Variants in PACS2 observed in about 807,000 individuals in gnomAD.
PACS2 encodes the protein phosphofurin acidic cluster sorting protein 2.
A neutral mutation model predicts 113.0 loss-of-function variants in PACS2; 36 were observed. That is an observed-to-expected ratio of 0.32 (90% CI 0.24 to 0.42). PACS2 has a LOEUF of 0.42. Ranked by LOEUF, PACS2 falls within the 10% of genes least tolerant of loss-of-function variation. The probability of loss-of-function intolerance (pLI) is 1.00; values close to 1 mark genes in which losing one functional copy is unlikely to be tolerated. For synonymous variants in PACS2, 589 were observed against 536.1 expected, an observed-to-expected ratio of 1.10 and a Z score of -1.36; for missense variants, 1,015 against 1,239.5, an observed-to-expected ratio of 0.82 and a Z score of 2.72.
chr14:105,359,587 C>CTTTTTTT (rs1162190552), intron 4 of PACS2, among the ~76,000 whole-genome samples: 6 of 101,790 alleles, frequency 5.9e-5, no homozygotes, highest in African/African-American at 1.2e-4. Context: ...GTATTTCTTT[C>CTTTTTTT]TTTTTTTTTT....
In PACS2 at chr14:105,362,784, G is replaced by C. The variant is rs2060779405; in HGVS notation, c.424-4429G>C. Reference sequence around the variant, plus strand: ...GAGAATCGCTTGAACCTGGGAGGCAGAGGTTGTAGTGAGCCAAGATCGCGT... The same window carrying C: ...GAGAATCGCTTGAACCTGGGAGGCACAGGTTGTAGTGAGCCAAGATCGCGT... On this transcript the variant is annotated intron_variant, in intron 4 of 24. Coordinates refer to ENST00000447393, the MANE Select transcript of PACS2 (RefSeq NM_001100913.3). Among the ~76,000 whole-genome samples the C allele has an allele frequency of 2.0e-5, 3 of 152,142 alleles. 1 individual carries two copies. The South Asian group carries it at 6.2e-4, about 31-fold the overall frequency.
chr14:105,319,201 C>T (rs2058790421), intron 1 of PACS2, among the ~76,000 whole-genome samples: 1 of 152,180 alleles, frequency 6.6e-6, no homozygotes, highest in Non-Finnish European at 1.5e-5. Flanking sequence ...CCGCCTTGGC[C>T]TCTGAAAGTG....
chr14:105,319,105 G>A (rs957367730), intron 1 of PACS2, among the ~76,000 whole-genome samples: 24 of 151,272 alleles, frequency 1.6e-4, no homozygotes, highest in African/African-American at 5.4e-4. Flanking sequence ...GCACCACCAC[G>A]CCCAGCTAAT....
At chr14:105,320,192 G>A (rs994299111) in intron 1 of PACS2, among the ~76,000 whole-genome samples, 1 of 151,910 alleles carries the variant, frequency 6.6e-6, no homozygotes, top group Non-Finnish European at 1.5e-5. Flanking sequence ...TGGCCAGGAG[G>A]GTCTCGATCT....
intron 1 of PACS2, among the ~76,000 whole-genome samples, chr14:105,332,654 T>C (rs113117307): frequency 0.016 from 2,401 of 152,282 alleles, 64 homozygotes; most frequent in African/African-American, 0.053. Flanking sequence ...GGGCACTGCA[T>C]GGCTTCTCTG....
intron 2 of PACS2, among the ~76,000 whole-genome samples, chr14:105,349,396 C>T (rs1339126847): frequency 1.3e-5 from 2 of 152,230 alleles, no homozygotes; most frequent in Admixed American, 6.5e-5. Flanking sequence ...CTGTTGTGCT[C>T]CTGACCCCAG....
In PACS2 at chr14:105,317,382, C is replaced by G. The variant is rs2058715955; in HGVS notation, c.119+2345C>G. ...TACCAGGATTTATGGTGGGGGTGTG[C>G]ACGCACTCAGCGTTACTGCTGGGCA... On this transcript the variant is annotated intron_variant, in intron 1 of 24. Coordinates refer to ENST00000447393, the MANE Select transcript of PACS2 (RefSeq NM_001100913.3). The surrounding 1 kb of genome is among the most constrained non-coding windows in gnomAD (Gnocchi z 4.2). Among the ~76,000 whole-genome samples the G allele has an allele frequency of 6.6e-6, 1 of 152,138 alleles. No individual in the cohort carries two copies.
intron 1 of PACS2, among the ~76,000 whole-genome samples, chr14:105,316,994 A>C (rs1180690070): frequency 2.0e-5 from 3 of 152,182 alleles, no homozygotes; most frequent in African/African-American, 7.2e-5. Flanking sequence ...GTCCTGGAAC[A>C]GGGCCCCTCA....
chr14:105,379,216 G>A (rs1339901363), intron 9 of PACS2, among the ~76,000 whole-genome samples: 1 of 152,190 alleles, frequency 6.6e-6, no homozygotes, highest in East Asian at 1.9e-4. Context: ...GTCTGGATAG[G>A]CCTGGATGGT....
chr14:105,307,361 T>C (rs962622868), intron 1 of PACS2, among the ~76,000 whole-genome samples: 13 of 152,164 alleles, frequency 8.5e-5, no homozygotes, highest in African/African-American at 3.1e-4. Flanking sequence ...CAGAGCCCAC[T>C]GAAATGACCC....
rs958690260 is a variant in PACS2, at chr14:105,356,923, G to T, written c.423+1746G>T. Among the ~76,000 whole-genome samples, 18 of 142,626 alleles carry T rather than the reference G, an allele frequency of 1.3e-4. No individual in the cohort carries two copies. The highest frequency in any genetic ancestry group is 4.9e-4 in the African/African-American group (17 of 34,984). The allele number at this position is 142,626 out of a possible 152,430, so 93.6% of individuals were successfully genotyped here. A position where few individuals can be genotyped will look rare whatever the true frequency, so the allele number is the denominator to read the frequency against. ...GGTCCCTGTGTTTCCCATTAGCCAT[G>T]CAGGCGATGTCCTGCTGATCCCTGC... On this transcript the variant is annotated intron_variant, in intron 4 of 24. Transcript: ENST00000447393. This position sits in a 1 kb window ranked among gnomAD's most constrained non-coding sequence, Gnocchi z 4.0.
chr14:105,392,604 C>T lies in PACS2; in HGVS notation c.2256-15C>T, dbSNP rs776569437. ...CAAAGATGCAGGTGTGAATGCCTCC[C>T]TCTGCCTTTCCCAGCCAGGGTGTCG... On this transcript the variant is annotated splice_polypyrimidine_tract_variant and intron_variant, in intron 22 of 24. Coordinates refer to ENST00000447393, the MANE Select transcript of PACS2 (RefSeq NM_001100913.3). The T allele has an allele frequency of 9.4e-6, 15 of 1,587,568 alleles. No homozygotes were observed. Among genetic ancestry groups the T allele is most frequent in the South Asian group, 1.1e-5 (1 of 87,748 alleles).
intron 1 of PACS2, among the ~76,000 whole-genome samples, chr14:105,343,638 T>A (rs1329189961): frequency 6.6e-6 from 1 of 152,216 alleles, no homozygotes; most frequent in African/African-American, 2.4e-5. Context: ...CATCTTTTCA[T>A]GTGCTTATTT....
rs369363280 is a variant in PACS2 at position 105,368,474 on chromosome 14, G to A, written c.676G>A (p.Asp226Asn). The A allele has an allele frequency of 6.8e-6, 11 of 1,613,792 alleles. No individual in the cohort carries two copies. Among genetic ancestry groups the A allele is most frequent in the African/African-American group, 4.0e-5 (3 of 74,940 alleles). Residue 226 changes from aspartate (D) to asparagine (N), a missense_variant, in exon 7 of 25, where the codon GAC becomes AAC. Physicochemically the swap from Asp to Asn is conservative, Grantham distance 23. Coordinates refer to ENST00000447393, the MANE Select transcript of PACS2 (RefSeq NM_001100913.3). ...GTCTCTGCAGGACTTGGACGAGGAC[G>A]ACTTTGACGTGGGGAAGCCGAAGAA... Reference protein sequence around the residue: ...AVQGQDLDEDDFDVGKPKKQR... With the variant: ...AVQGQDLDEDNFDVGKPKKQR...
chr14:105,353,444 C>T (rs2060313282), intron 3 of PACS2, among the ~76,000 whole-genome samples: 1 of 151,692 alleles, frequency 6.6e-6, no homozygotes, highest in Admixed American at 6.6e-5. Flanking sequence ...GATGGGCCCC[C>T]TCATCACTGT....
chr14:105,379,004 A>AAGGCATGGATGGTCTGGAT (rs1555411204), intron 9 of PACS2, among the ~76,000 whole-genome samples: 1 of 147,816 alleles, frequency 6.8e-6, no homozygotes, highest in Admixed American at 6.7e-5. Flanking sequence ...GTGGTCCGGA[A>AAGGCATGGATGGTCTGGAT]AGGCATGGAT....
At chr14:105,325,141 C>T (rs1303165126) in intron 1 of PACS2, among the ~76,000 whole-genome samples, 1 of 140,940 alleles carries the variant, frequency 7.1e-6, no homozygotes, top group Non-Finnish European at 1.5e-5. Flanking sequence ...TGTCCCAGCC[C>T]TGAGGGCACC....
At chr14:105,339,432 G>A (rs1219083663) in intron 1 of PACS2, among the ~76,000 whole-genome samples, 3 of 151,832 alleles carry the variant, frequency 2.0e-5, no homozygotes, top group Non-Finnish European at 4.4e-5. Flanking sequence ...GCTTGAACCC[G>A]GGGGCAGAGG....
In PACS2 at chr14:105,355,897, C is replaced by T. The variant is rs2060425242; in HGVS notation, c.423+720C>T. Among the ~76,000 whole-genome samples the T allele has an allele frequency of 1.3e-5, 2 of 152,152 alleles. No individual in the cohort carries two copies. The highest frequency in any genetic ancestry group is 2.4e-5 in the African/African-American group (1 of 41,436). On this transcript the variant is annotated intron_variant, in intron 4 of 24. Transcript: ENST00000447393. The surrounding 1 kb of genome is among the most constrained non-coding windows in gnomAD (Gnocchi z 4.1). ...TCTGGGAGAAGGGGCAGCCCAGGGC[C>T]CCAGACCAGTTTGTCTCTTTTGCTT...
Sources: allele counts gnomAD v4.1 joint callset (sites outside exome capture counted in the v4.1 genomes callset), GRCh38; gene constraint gnomAD v4.1.1; non-coding constraint Gnocchi (gnomAD v3.1); transcripts MANE v1.5; gene names NCBI Gene and HGNC (gene_info 2026-07-23, HGNC 2026-07-21).